Variants in AGBL1 observed in about 807,000 individuals in gnomAD.
The protein encoded by AGBL1 is cytosolic carboxypeptidase 4.
A neutral mutation model predicts 118.9 loss-of-function variants in AGBL1; 130 were observed. That is an observed-to-expected ratio of 1.09 (90% CI 0.95 to 1.26). The LOEUF is 1.26. Among genes scored for constraint, AGBL1 ranks in the 50% most tolerant of loss-of-function variants. AGBL1 has a pLI of 0.00. For missense variants in AGBL1, 1,584 were observed against 1,298.1 expected, an observed-to-expected ratio of 1.22 and a Z score of -3.38; for synonymous variants, 555 against 478.9, an observed-to-expected ratio of 1.16 and a Z score of -2.08.
chr15:86,471,854 C>G (rs1261423255), intron 18 of AGBL1, among the ~76,000 whole-genome samples: 1 of 152,086 alleles, frequency 6.6e-6, no homozygotes, highest in Non-Finnish European at 1.5e-5. Flanking sequence ...TAGGAACCCA[C>G]GAATATGATC....
intron 22 of AGBL1, among the ~76,000 whole-genome samples, chr15:86,795,292 G>A (rs1473077037): frequency 6.6e-6 from 1 of 152,130 alleles, no homozygotes; most frequent in Non-Finnish European, 1.5e-5. Context: ...GCTGATTGGT[G>A]GAGCCCTGTT....
chr15:86,706,097 C>G (rs2086444866), intron 22 of AGBL1, among the ~76,000 whole-genome samples: 1 of 152,016 alleles, frequency 6.6e-6, no homozygotes, highest in Admixed American at 6.6e-5. Context: ...TAAATAACGT[C>G]TGCCAATTGC....
chr15:86,526,104 C>T (rs2083258697), intron 19 of AGBL1, among the ~76,000 whole-genome samples: 1 of 152,074 alleles, frequency 6.6e-6, no homozygotes, highest in South Asian at 2.1e-4. Flanking sequence ...GACCAAGAAA[C>T]ATGAGAAAAT....
At chr15:86,375,853 C>T (rs2081035391) in intron 17 of AGBL1, among the ~76,000 whole-genome samples, 3 of 152,156 alleles carry the variant, frequency 2.0e-5, no homozygotes, top group African/African-American at 7.2e-5. Context: ...GAAAGAATGC[C>T]ATAAAGAAAT....
At chr15:86,232,796 C>G (rs966994496) in intron 6 of AGBL1, among the ~76,000 whole-genome samples, 1 of 152,142 alleles carries the variant, frequency 6.6e-6, no homozygotes, top group Non-Finnish European at 1.5e-5. Context: ...CATGTAAGGA[C>G]AATGCCCTCC....
chr15:86,850,748 T>C (rs1397625361), intron 22 of AGBL1, among the ~76,000 whole-genome samples: 3 of 152,150 alleles, frequency 2.0e-5, no homozygotes, highest in South Asian at 2.1e-4. Context: ...ATAGAAATGC[T>C]GAAAAAAATA....
At chr15:86,789,797 A>G (rs778446029) in intron 22 of AGBL1, among the ~76,000 whole-genome samples, 1 of 152,180 alleles carries the variant, frequency 6.6e-6, no homozygotes, top group South Asian at 2.1e-4. Flanking sequence ...GATAGGGAGC[A>G]TAAGATATCT....
chr15:86,980,552 A>G (rs1433206044), intron 23 of AGBL1, among the ~76,000 whole-genome samples: 1 of 152,154 alleles, frequency 6.6e-6, no homozygotes, highest in African/African-American at 2.4e-5. Flanking sequence ...CTCTAAGAAA[A>G]TCGTAAACTT....
At chr15:86,659,612 T>C (rs895659875) in intron 21 of AGBL1, among the ~76,000 whole-genome samples, 1 of 152,180 alleles carries the variant, frequency 6.6e-6, no homozygotes, top group Non-Finnish European at 1.5e-5. Context: ...CCAGTTCTTT[T>C]GTCAACCGTA....
At chr15:86,328,399 C>T (rs2080219119) in intron 17 of AGBL1, among the ~76,000 whole-genome samples, 1 of 152,028 alleles carries the variant, frequency 6.6e-6, no homozygotes, top group African/African-American at 2.4e-5. Context: ...ACTATTTTTG[C>T]AACTTTTTAT....
chr15:86,940,851 T>C (rs1464012911), intron 23 of AGBL1, among the ~76,000 whole-genome samples: 2 of 152,206 alleles, frequency 1.3e-5, no homozygotes, highest in African/African-American at 4.8e-5. Context: ...TTACAAGAAA[T>C]ATAAATTTGA....
At chr15:86,432,651 C>T (rs1645185547) in intron 18 of AGBL1, among the ~76,000 whole-genome samples, 2 of 152,072 alleles carry the variant, frequency 1.3e-5, no homozygotes, top group South Asian at 2.1e-4. Context: ...TCTTGCTGGC[C>T]AACCTTTTTC....
chr15:86,919,573 G>GAC (rs376501612), downstream of AGBL1, among the ~76,000 whole-genome samples: 6,294 of 128,728 alleles, frequency 0.049, 147 homozygotes, highest in Middle Eastern at 0.067. Flanking sequence ...TCCCTGTTGA[G>GAC]ACACACACAC....
chr15:86,264,552 G>C lies in AGBL1; in HGVS notation c.1381G>C (p.Ala461Pro). 6.2e-7 allele frequency: 1 copy of C among 1,614,006 alleles called. No homozygotes were observed. The highest frequency in any genetic ancestry group is 8.5e-7 in the Non-Finnish European group (1 of 1,179,886). ...TGAAAGTGAAATCCCTGACATTCAGGCTTCCCCGAAAGCAGATGCCTGGGA... is the reference window on the plus strand; with the variant it reads ...TGAAAGTGAAATCCCTGACATTCAGCCTTCCCCGAAAGCAGATGCCTGGGA... ...SSESEIPDIQ[A>P]SPKADAWDVD... The change falls in exon 11 of 23, where the codon GCT becomes CCT. Residue 461 changes from alanine (A) to proline (P), a missense_variant. Coordinates refer to ENST00000614907, the MANE Select transcript of AGBL1 (RefSeq NM_001386094.1).
intron 22 of AGBL1, among the ~76,000 whole-genome samples, chr15:86,675,741 T>C (rs1011763608): frequency 1.3e-5 from 2 of 152,174 alleles, no homozygotes; most frequent in African/African-American, 4.8e-5. Context: ...CTAAGCTATC[T>C]TGGGTGTAGG....
At chr15:86,551,414 A>G (rs965432934) in intron 20 of AGBL1, among the ~76,000 whole-genome samples, 1 of 152,180 alleles carries the variant, frequency 6.6e-6, no homozygotes, top group Non-Finnish European at 1.5e-5. Context: ...ATCACTACAG[A>G]TCTTACAAAG....
chr15:86,834,627 C>T (rs1261875960), intron 22 of AGBL1, among the ~76,000 whole-genome samples: 1 of 152,080 alleles, frequency 6.6e-6, no homozygotes, highest in Non-Finnish European at 1.5e-5. Flanking sequence ...CCTTATGTAC[C>T]CTCTCTGATC....
rs575076368 is a variant in AGBL1 at position 86,454,864 on chromosome 15, C to T, written c.2555+57318C>T. ...CATCAAACTACGCTTTAGATGGGTG[C>T]ATTTTGTTGTATGTAAATTAAACCT... On this transcript the variant is annotated intron_variant, in intron 18 of 22. Transcript: ENST00000614907. Among the ~76,000 whole-genome samples, 220 of 152,182 alleles carry T rather than the reference C, an allele frequency of 1.4e-3. 6 individuals carry two copies. The South Asian group carries it at 0.044, about 31-fold the overall frequency.
At chr15:86,991,415 T>C (rs928527832) in intron 24 of AGBL1, among the ~76,000 whole-genome samples, 1 of 152,184 alleles carries the variant, frequency 6.6e-6, no homozygotes, top group South Asian at 2.1e-4. Context: ...AGGCCCCTTA[T>C]GTACTTTTTG....
Sources: allele counts gnomAD v4.1 joint callset (sites outside exome capture counted in the v4.1 genomes callset), GRCh38; gene constraint gnomAD v4.1.1; transcripts MANE v1.5; gene names NCBI Gene and HGNC (gene_info 2026-07-23, HGNC 2026-07-21).